GPATCH2: variants seen among roughly 807,000 people sequenced by gnomAD.
GPATCH2 encodes G-patch domain containing 2.
In GPATCH2, 51 loss-of-function variants were observed where a neutral mutation model predicts 58.0. That is an observed-to-expected ratio of 0.88 (90% CI 0.70 to 1.11). GPATCH2 has a LOEUF of 1.11. Among genes scored for constraint, GPATCH2 ranks in the 50% most tolerant of loss-of-function variants. The probability of loss-of-function intolerance (pLI) is 0.00; values close to 1 mark genes in which losing one functional copy is unlikely to be tolerated. For synonymous variants in GPATCH2, 222 were observed against 218.5 expected (o/e 1.02, Z -0.14); for missense variants, 625 against 652.2 (o/e 0.96, Z 0.45).
chr1:217,545,970 G>A (rs527386864), intron 5 of GPATCH2, among the ~76,000 whole-genome samples: 32 of 152,268 alleles, frequency 2.1e-4, no homozygotes, highest in African/African-American at 7.2e-4. Context: ...GATGAACTGT[G>A]GGTTTGAATA....
At chr1:217,527,247 C>A (rs1361482771) in intron 5 of GPATCH2, among the ~76,000 whole-genome samples, 4 of 152,134 alleles carry the variant, frequency 2.6e-5, no homozygotes, top group Admixed American at 2.0e-4. Flanking sequence ...AAATTGTCTT[C>A]CAGGAAACCA....
At chr1:217,521,589 C>G (rs1663461572) in intron 5 of GPATCH2, among the ~76,000 whole-genome samples, 1 of 151,768 alleles carries the variant, frequency 6.6e-6, no homozygotes, top group South Asian at 2.1e-4. Context: ...GAAGGACTAA[C>G]AAGAATAACA....
At chr1:217,439,578 G>C (rs1659033469) in intron 9 of GPATCH2, among the ~76,000 whole-genome samples, 1 of 152,136 alleles carries the variant, frequency 6.6e-6, no homozygotes, top group South Asian at 2.1e-4. Flanking sequence ...GTGAATCCAG[G>C]AGCTGGTTGT....
chr1:217,594,032 C>T (rs891844994), intron 5 of GPATCH2, among the ~76,000 whole-genome samples: 3 of 152,006 alleles, frequency 2.0e-5, no homozygotes, highest in African/African-American at 7.2e-5. Context: ...TCTATCTAAA[C>T]AAGATACTGT....
intron 9 of GPATCH2, among the ~76,000 whole-genome samples, chr1:217,440,225 C>T (rs974438436): frequency 2.6e-5 from 4 of 152,146 alleles, no homozygotes; most frequent in Non-Finnish European, 4.4e-5. Context: ...AATCAATAAA[C>T]GTAATACATC....
intron 1 of GPATCH2, among the ~76,000 whole-genome samples, chr1:217,626,449 G>A (rs906231251): frequency 3.9e-5 from 6 of 152,060 alleles, no homozygotes; most frequent in South Asian, 2.1e-4. Context: ...GCAAACAGCT[G>A]AACCAAGCAG....
chr1:217,587,470 A>G (rs2102758979), intron 5 of GPATCH2, among the ~76,000 whole-genome samples: 1 of 152,336 alleles, frequency 6.6e-6, no homozygotes, highest in East Asian at 1.9e-4. Flanking sequence ...AGAGACTGGC[A>G]AAATTACACA....
At chr1:217,627,081 A>T (rs1261871033) in intron 1 of GPATCH2, among the ~76,000 whole-genome samples, 1 of 152,062 alleles carries the variant, frequency 6.6e-6, no homozygotes, top group Non-Finnish European at 1.5e-5. Flanking sequence ...CATTAGCTAT[A>T]GGACATTGGA....
At chr1:217,627,934 A>C (rs1669543586) in intron 1 of GPATCH2, among the ~76,000 whole-genome samples, 1 of 150,588 alleles carries the variant, frequency 6.6e-6, no homozygotes, top group Admixed American at 6.6e-5. Context: ...AAAACAAAAA[A>C]TTTAGAATCT....
At chr1:217,578,136 TG>T (rs1223767811) in intron 5 of GPATCH2, among the ~76,000 whole-genome samples, 8 of 130,684 alleles carry the variant, frequency 6.1e-5, no homozygotes, top group Non-Finnish European at 1.0e-4. Flanking sequence ...ATTTAATGGC[TG>T]GGGGGGGATT....
At chr1:217,615,383 C>T (rs1463866336) in intron 2 of GPATCH2, among the ~76,000 whole-genome samples, 1 of 152,014 alleles carries the variant, frequency 6.6e-6, no homozygotes, top group Non-Finnish European at 1.5e-5. Context: ...ACAAAGCTCC[C>T]TATATTGTAC....
At chr1:217,547,864 A>G (rs557934111) in intron 5 of GPATCH2, among the ~76,000 whole-genome samples, 56 of 152,100 alleles carry the variant, frequency 3.7e-4, no homozygotes, top group African/African-American at 1.3e-3. Flanking sequence ...ATGGGGGTGA[A>G]CTTCCCTTTG....
At chr1:217,442,408 T>G (rs1262267959) in intron 9 of GPATCH2, among the ~76,000 whole-genome samples, 1 of 152,130 alleles carries the variant, frequency 6.6e-6, no homozygotes, top group Non-Finnish European at 1.5e-5. Context: ...GGTTGATGGG[T>G]ACAGCACACC....
chr1:217,494,886 AT>A (rs34133965), intron 7 of GPATCH2: 19,514 of 148,936 alleles, frequency 0.13, 2,373 homozygotes, highest in African/African-American at 0.33. Flanking sequence ...TTCTTGATAC[AT>A]TTTTTTTTTT....
chr1:217,555,132 C>G (rs1288547293), intron 5 of GPATCH2, among the ~76,000 whole-genome samples: 1 of 152,108 alleles, frequency 6.6e-6, no homozygotes, highest in Non-Finnish European at 1.5e-5. Context: ...TTTCTAAAAC[C>G]AAGATTTACT....
At chr1:217,591,491 G>T (rs1667589717) in intron 5 of GPATCH2, among the ~76,000 whole-genome samples, 1 of 152,014 alleles carries the variant, frequency 6.6e-6, no homozygotes, top group Non-Finnish European at 1.5e-5. Flanking sequence ...ACAGACAAAA[G>T]GACCAGAAAT....
chr1:217,465,711 T>C (rs996719439), intron 8 of GPATCH2, among the ~76,000 whole-genome samples: 1 of 152,214 alleles, frequency 6.6e-6, no homozygotes, highest in African/African-American at 2.4e-5. Flanking sequence ...TGTGGAACTG[T>C]AAATCCAATT....
chr1:217,584,344 A>AAAAAAAAAAAAAAAAATATATATAT (rs1463910405), intron 5 of GPATCH2, among the ~76,000 whole-genome samples: 3 of 101,846 alleles, frequency 2.9e-5, no homozygotes, highest in Non-Finnish European at 3.9e-5. Flanking sequence ...AAAAAAAAAA[A>AAAAAAAAAAAAAAAAATATATATAT]ATATATATAT....
intron 9 of GPATCH2, among the ~76,000 whole-genome samples, chr1:217,432,227 T>C (rs1472591543): frequency 2.0e-5 from 3 of 152,202 alleles, no homozygotes; most frequent in Non-Finnish European, 2.9e-5. Flanking sequence ...AACATGAAAT[T>C]TAGATATAGA....
Sources: gnomAD v4.1 joint callset for allele counts (sites outside exome capture counted in the v4.1 genomes callset) on GRCh38, gnomAD v4.1.1 for gene constraint, MANE v1.5 for transcripts, NCBI Gene and HGNC (gene_info 2026-07-23, HGNC 2026-07-21) for gene names.